Variants in ATP8A2 observed in about 807,000 individuals in gnomAD.
ATP8A2 encodes ATPase phospholipid transporting 8A2, also known as phospholipid-transporting ATPase IB.
A neutral mutation model predicts 165.6 loss-of-function variants in ATP8A2; 100 were observed. That is an observed-to-expected ratio of 0.60 (90% CI 0.51 to 0.71). The LOEUF (loss-of-function observed/expected upper bound fraction) is 0.71. Ranked by LOEUF, ATP8A2 falls within the 30% of genes least tolerant of loss-of-function variation. The pLI, the probability that ATP8A2 is intolerant of heterozygous loss-of-function variation, is 0.00. For synonymous variants in ATP8A2, 543 were observed against 548.8 expected (o/e 0.99, Z 0.15); for missense variants, 1,227 against 1,479.5 (o/e 0.83, Z 2.80).
At chr13:25,922,005 T>G (rs1248266128) in intron 33 of ATP8A2, among the ~76,000 whole-genome samples, 1 of 152,236 alleles carries the variant, frequency 6.6e-6, no homozygotes, top group East Asian at 1.9e-4. Context: ...GGCACTTTTG[T>G]GAAGTTTGGG....
At position 25,607,283 on chromosome 13, in the gene ATP8A2, G is replaced by A. The variant is rs146162848; in HGVS notation, c.2211+17584G>A. ...AGGACAAGGGCTGGCCAGCTCTGGC[G>A]AGTGCGACAAATCCAGCTCACCACT... On this transcript the variant is annotated intron_variant, in intron 24 of 36. Coordinates refer to ENST00000381655, the MANE Select transcript of ATP8A2 (RefSeq NM_016529.6). Among the ~76,000 whole-genome samples the A allele has an allele frequency of 2.1e-3, 325 of 152,262 alleles. 1 individual carries two copies. Among genetic ancestry groups the A allele is most frequent in the African/African-American group, 7.4e-3 (306 of 41,542 alleles).
chr13:25,455,778 C>T (rs979683824), intron 1 of ATP8A2, among the ~76,000 whole-genome samples: 2 of 152,208 alleles, frequency 1.3e-5, no homozygotes, highest in African/African-American at 4.8e-5. Context: ...TAATTAGAGA[C>T]CCTTCCTTTG....
chr13:25,383,129 T>C (rs982428520), intron 1 of ATP8A2, among the ~76,000 whole-genome samples: 124 of 150,902 alleles, frequency 8.2e-4, no homozygotes, highest in African/African-American at 2.6e-3. Context: ...CACTACAACC[T>C]CCTCCTCCCG....
At position 25,779,765 on chromosome 13, in the gene ATP8A2, G is replaced by T. The variant is rs141261106; in HGVS notation, c.2679+4806G>T. 6.1e-3 allele frequency among the ~76,000 whole-genome samples: 935 copies of T among 152,272 alleles called. 5 individuals are homozygous for T. Among genetic ancestry groups the T allele is most frequent in the Non-Finnish European group, 0.01 (690 of 68,016 alleles). On this transcript the variant is annotated intron_variant, in intron 27 of 36. Transcript: ENST00000381655. ...AATTTAGAAGCAGAAAGCAAAGACTGATTTTTAAAACTCTTTGATGTTGAC... is the reference window on the plus strand; with the variant it reads ...AATTTAGAAGCAGAAAGCAAAGACTTATTTTTAAAACTCTTTGATGTTGAC...
intron 8 of ATP8A2, 29 bp from the exon 9 acceptor site, chr13:25,541,890 T>C: frequency 6.2e-7 from 1 of 1,613,450 alleles, no homozygotes; most frequent in Non-Finnish European, 8.5e-7. Flanking sequence ...AGATTGTGTT[T>C]GACTTCCTCT....
chr13:25,540,232 A>G, intron 7 of ATP8A2, 87 bp from the exon 8 acceptor site: 2 of 970,362 alleles, frequency 2.1e-6, no homozygotes, highest in Non-Finnish European at 3.3e-6. Flanking sequence ...CAATCAGCAG[A>G]CACAGATTCC....
chr13:25,712,118 G>A (rs1331331801), intron 25 of ATP8A2, among the ~76,000 whole-genome samples: 1 of 152,192 alleles, frequency 6.6e-6, no homozygotes, highest in African/African-American at 2.4e-5. Flanking sequence ...AGGGCTATAG[G>A]ATGAAAAGGA....
At chr13:25,903,274 G>A (rs892416924) in intron 33 of ATP8A2, among the ~76,000 whole-genome samples, 1 of 152,126 alleles carries the variant, frequency 6.6e-6, no homozygotes, top group Non-Finnish European at 1.5e-5. Flanking sequence ...AGATATGGCT[G>A]CTTTAACCCT....
At chr13:25,440,593 T>C (rs1449520051) in intron 1 of ATP8A2, among the ~76,000 whole-genome samples, 1 of 152,152 alleles carries the variant, frequency 6.6e-6, no homozygotes, top group Non-Finnish European at 1.5e-5. Context: ...ACACCATGCC[T>C]CTCACCCGCG....
At chr13:25,915,876 C>G (rs1025020269) in intron 33 of ATP8A2, among the ~76,000 whole-genome samples, 1 of 152,234 alleles carries the variant, frequency 6.6e-6, no homozygotes, top group East Asian at 1.9e-4. Flanking sequence ...CCTTCCAAGA[C>G]TAAAATTATG....
At chr13:25,907,363 A>AAAAATAAAATAAAAT (rs145490905) in intron 33 of ATP8A2, among the ~76,000 whole-genome samples, 3 of 151,776 alleles carry the variant, frequency 2.0e-5, no homozygotes, top group African/African-American at 7.3e-5. Flanking sequence ...AAATAAATAA[A>AAAAATAAAATAAAAT]AAAATAAAAT....
chr13:25,608,429 A>G (rs1314370734), intron 24 of ATP8A2, among the ~76,000 whole-genome samples: 1 of 152,208 alleles, frequency 6.6e-6, no homozygotes, highest in Non-Finnish European at 1.5e-5. Context: ...CTCTACTCTC[A>G]AGTTTCTGTT....
intron 12 of ATP8A2, among the ~76,000 whole-genome samples, chr13:25,554,316 A>C (rs1250870441): frequency 3.3e-5 from 5 of 152,156 alleles, no homozygotes; most frequent in African/African-American, 9.7e-5. Context: ...GTAAGGGTGG[A>C]GATAAGATAT....
rs1394942963 is a variant in ATP8A2, at chr13:26,018,273, C to CA, written c.3470-1614dup. 1.2e-4 allele frequency among the ~76,000 whole-genome samples: 18 copies of CA among 152,348 alleles called. No individual in the cohort carries two copies. The East Asian group carries it at 3.3e-3, about 28-fold the overall frequency. On this transcript the variant is annotated intron_variant, in intron 36 of 36. Transcript: ENST00000381655. ...CGGGACTCTCAGTTATGGGAACACA[C>CA]AGAGTAAGAAAACAGCCTGAGTGTC...
chr13:25,464,768 G>A (rs753293162), intron 1 of ATP8A2, among the ~76,000 whole-genome samples: 14 of 152,314 alleles, frequency 9.2e-5, no homozygotes, highest in African/African-American at 3.1e-4. Context: ...TTCAGCGGCT[G>A]GGCAGGTACC....
At chr13:25,594,742 A>T (rs780611343) in intron 24 of ATP8A2, among the ~76,000 whole-genome samples, 82 of 152,294 alleles carry the variant, frequency 5.4e-4, no homozygotes, top group Non-Finnish European at 9.8e-4. Context: ...GTGGGAATGT[A>T]AACTAGTACA....
chr13:25,849,519 T>C (rs10162249), intron 30 of ATP8A2, among the ~76,000 whole-genome samples: 20,238 of 152,252 alleles, frequency 0.13, 1,603 homozygotes, highest in Non-Finnish European at 0.18. Flanking sequence ...TCATTTTGTC[T>C]CTTTAGAAAA....
At position 25,997,986 on chromosome 13, in the gene ATP8A2, T is replaced by C. The variant is rs567462408; in HGVS notation, c.3378-14545T>C. ...TCTTCCTGGTTTATGGTAAAATAAG[T>C]GATTTTCAAATGAAACCTGGACATT... On this transcript the variant is annotated intron_variant, in intron 35 of 36. Transcript: ENST00000381655. 2.0e-5 allele frequency among the ~76,000 whole-genome samples: 3 copies of C among 152,330 alleles called. No individual in the cohort carries two copies. In the South Asian group the frequency reaches 6.2e-4, roughly 32 times the overall value.
chr13:25,491,274 A>T (rs750723201), intron 2 of ATP8A2, among the ~76,000 whole-genome samples: 1 of 152,144 alleles, frequency 6.6e-6, no homozygotes, highest in Non-Finnish European at 1.5e-5. Context: ...TGAACAGTAC[A>T]TGTGCATTTT....
Sources: gnomAD v4.1 joint callset for allele counts (sites outside exome capture counted in the v4.1 genomes callset) on GRCh38, gnomAD v4.1.1 for gene constraint, MANE v1.5 for transcripts, NCBI Gene and HGNC (gene_info 2026-07-23, HGNC 2026-07-21) for gene names.